Variants in KCNH1 observed in about 807,000 individuals in gnomAD.
KCNH1 encodes the protein voltage-gated delayed rectifier potassium channel KCNH1.
Under a neutral mutation model 69.2 loss-of-function variants are expected in KCNH1, and 27 were observed. That is an observed-to-expected ratio of 0.39 (90% CI 0.29 to 0.54). The LOEUF is 0.54. Among genes scored for constraint, KCNH1 ranks in the 20% least tolerant of loss-of-function variants. The pLI, the probability that KCNH1 is intolerant of heterozygous loss-of-function variation, is 0.68. For synonymous variants in KCNH1, 456 were observed against 487.7 expected (o/e 0.93, Z 0.86); for missense variants, 798 against 1,261.6 (o/e 0.63, Z 5.57).
intron 7 of KCNH1, among the ~76,000 whole-genome samples, chr1:210,900,980 A>G (rs1686983563): frequency 1.3e-5 from 2 of 152,086 alleles, no homozygotes; most frequent in South Asian, 4.2e-4. Context: ...GCTGCATCTA[A>G]TAGTACATAT....
intron 9 of KCNH1, among the ~76,000 whole-genome samples, chr1:210,791,870 C>T (rs1309354303): frequency 6.6e-6 from 1 of 152,078 alleles, no homozygotes; most frequent in Admixed American, 6.6e-5. Context: ...ATGAGAGTAC[C>T]TTCCAAATTA....
intron 7 of KCNH1, chr1:210,861,584 T>G (rs1272392633): frequency 5.2e-6 from 4 of 771,928 alleles, no homozygotes; most frequent in Non-Finnish European, 9.7e-6. Context: ...TTCTGTCAGG[T>G]TCTGTTGGTT....
chr1:211,066,714 A>T (rs531732170), intron 5 of KCNH1, among the ~76,000 whole-genome samples: 48 of 152,324 alleles, frequency 3.2e-4, no homozygotes, highest in Middle Eastern at 3.4e-3. Context: ...GAGGAAATAG[A>T]AGCTTTTAGG....
intron 7 of KCNH1, among the ~76,000 whole-genome samples, chr1:210,854,434 G>A (rs1239111635): frequency 1.3e-5 from 2 of 152,198 alleles, no homozygotes; most frequent in Admixed American, 6.5e-5. Context: ...AAGGTACCTG[G>A]AAAACCTACA....
intron 6 of KCNH1, among the ~76,000 whole-genome samples, chr1:210,987,937 C>T (rs934706941): frequency 1.3e-5 from 2 of 152,334 alleles, no homozygotes; most frequent in African/African-American, 2.4e-5. Context: ...CCACCAAGTT[C>T]GAGGTTCCTG....
intron 7 of KCNH1, among the ~76,000 whole-genome samples, chr1:210,896,492 T>C (rs1423410581): frequency 6.6e-6 from 1 of 152,180 alleles, no homozygotes; most frequent in East Asian, 1.9e-4. Context: ...TTTTTCTGTA[T>C]CTACATTAGA....
chr1:210,689,108 G>A (rs142909670), intron 10 of KCNH1, among the ~76,000 whole-genome samples: 2 of 152,336 alleles, frequency 1.3e-5, no homozygotes, highest in Admixed American at 6.5e-5. Context: ...GCATCCCTCT[G>A]AGGTCGCACC....
chr1:210,858,983 A>G (rs1685915926), intron 7 of KCNH1: 2 of 360,576 alleles, frequency 5.5e-6, no homozygotes, highest in Admixed American at 8.0e-5. Flanking sequence ...CCAAAATCCC[A>G]CTGGTTTCTT....
intron 6 of KCNH1, among the ~76,000 whole-genome samples, chr1:210,932,528 T>C (rs1687696575): frequency 8.1e-6 from 1 of 123,424 alleles, no homozygotes; most frequent in Non-Finnish European, 1.8e-5. Flanking sequence ...ACCTTTAATG[T>C]AAATGTATTA....
At chr1:211,040,273 G>T (rs1265155767) in intron 5 of KCNH1, among the ~76,000 whole-genome samples, 1 of 152,002 alleles carries the variant, frequency 6.6e-6, no homozygotes, top group East Asian at 1.9e-4. Context: ...ACTTGGAGCG[G>T]CCAGGAGCAG....
intron 7 of KCNH1, among the ~76,000 whole-genome samples, chr1:210,838,953 T>C (rs1227363202): frequency 6.6e-6 from 1 of 152,204 alleles, no homozygotes; most frequent in African/African-American, 2.4e-5. Context: ...GCTTTTACAT[T>C]GCTGGTGGGA....
At chr1:210,917,244 AAAG>A (rs1180608128) in intron 7 of KCNH1, among the ~76,000 whole-genome samples, 1 of 147,668 alleles carries the variant, frequency 6.8e-6, no homozygotes, top group Non-Finnish European at 1.5e-5. Context: ...AGAAAGAAAG[AAAG>A]AAAGAAAGAA....
chr1:210,803,341 A>T (rs923958921), intron 8 of KCNH1, among the ~76,000 whole-genome samples: 5 of 152,176 alleles, frequency 3.3e-5, no homozygotes, highest in African/African-American at 9.6e-5. Flanking sequence ...ACCTCAAGTG[A>T]TCCACCCGCC....
chr1:210,809,597 A>T (rs1373358450), intron 7 of KCNH1, among the ~76,000 whole-genome samples: 1 of 152,222 alleles, frequency 6.6e-6, no homozygotes, highest in Non-Finnish European at 1.5e-5. Flanking sequence ...CATTAGCATG[A>T]ACCAAGGATG....
intron 9 of KCNH1, among the ~76,000 whole-genome samples, chr1:210,795,727 C>T (rs1233103989): frequency 6.6e-6 from 1 of 152,066 alleles, no homozygotes; most frequent in Non-Finnish European, 1.5e-5. Flanking sequence ...AACTTAATCT[C>T]CTCCAGCCTC....
chr1:210,731,733 G>T (rs935719150), intron 10 of KCNH1, among the ~76,000 whole-genome samples: 1 of 152,168 alleles, frequency 6.6e-6, no homozygotes, highest in South Asian at 2.1e-4. Flanking sequence ...CTCCGATAGA[G>T]TTCCCAGGTA....
intron 7 of KCNH1, among the ~76,000 whole-genome samples, chr1:210,853,151 A>AC (rs1685746777): frequency 6.6e-6 from 1 of 152,098 alleles, no homozygotes; most frequent in African/African-American, 2.4e-5. Flanking sequence ...GCTGGATTCA[A>AC]CCCCTAGCTC....
intron 7 of KCNH1, among the ~76,000 whole-genome samples, chr1:210,881,940 C>A (rs1686502784): frequency 6.6e-6 from 1 of 152,110 alleles, no homozygotes; most frequent in Admixed American, 6.5e-5. Flanking sequence ...CTGTATGATC[C>A]TGTAATAGTG....
At chr1:210,975,559 G>A (rs886142463) in intron 6 of KCNH1, among the ~76,000 whole-genome samples, 2 of 152,192 alleles carry the variant, frequency 1.3e-5, no homozygotes, top group African/African-American at 2.4e-5. Flanking sequence ...GTAGAAAGCT[G>A]AAACTGGATC....
Sources: allele counts gnomAD v4.1 joint callset (sites outside exome capture counted in the v4.1 genomes callset), GRCh38; gene constraint gnomAD v4.1.1; transcripts MANE v1.5; gene names NCBI Gene and HGNC (gene_info 2026-07-23, HGNC 2026-07-21).